Variants in KANSL3 observed in about 807,000 individuals in gnomAD.
KANSL3 encodes the protein NSL complex protein NSL3.
In KANSL3, 16 loss-of-function variants were observed where a neutral mutation model predicts 89.2. The observed-to-expected ratio is 0.18, with a 90% CI of 0.12 to 0.27. KANSL3 has a LOEUF of 0.27. Among genes scored for constraint, KANSL3 ranks in the 10% least tolerant of loss-of-function variants. KANSL3 has a pLI of 1.00. For synonymous variants in KANSL3, 385 were observed against 419.7 expected, an observed-to-expected ratio of 0.92 and a Z score of 1.01; for missense variants, 879 against 1,110.6, an observed-to-expected ratio of 0.79 and a Z score of 2.96.
In KANSL3 at chr2:96,602,774, G is replaced by A; in HGVS notation, c.2238C>T (p.Pro746=). 6.2e-7 allele frequency: 1 copy of A among 1,605,166 alleles called. No individual in the cohort carries two copies. Among genetic ancestry groups the A allele is most frequent in the Non-Finnish European group, 8.5e-7 (1 of 1,175,370 alleles). The change falls in exon 18 of 21, where the codon CCC becomes CCT. Residue 746 remains proline, a synonymous_variant. Coordinates refer to ENST00000431828, the MANE Select transcript of KANSL3 (RefSeq NM_001115016.3). ...GCACCTGTGGGGCTGGTCCTGGGGAGGGATTTGCTGGAAGGCCAGAGGTCT... is the reference window on the plus strand; with the variant it reads ...GCACCTGTGGGGCTGGTCCTGGGGAAGGATTTGCTGGAAGGCCAGAGGTCT... ...SSKTSGLPAN[P]SPGPAPQATS... is the part of the protein sequence containing the mutation.
downstream of KANSL3, among the ~76,000 whole-genome samples, chr2:96,590,355 C>T (rs1251796170): frequency 2.0e-5 from 3 of 151,688 alleles, no homozygotes; most frequent in Non-Finnish European, 2.9e-5. Flanking sequence ...TACCATGGCA[C>T]GATCACAGCT....
In KANSL3 at chr2:96,608,959, C is replaced by T. The variant is rs779212848; in HGVS notation, c.1489G>A (p.Val497Met). 3.2e-6 allele frequency: 5 copies of T among 1,562,906 alleles called. No individual in the cohort carries two copies. Among genetic ancestry groups the T allele is most frequent in the Admixed American group, 1.9e-5 (1 of 51,988 alleles). The change falls in exon 13 of 21, where the codon GTG (valine) becomes ATG (methionine). Residue 497 changes from valine to methionine, a missense_variant. Coordinates refer to ENST00000431828, the MANE Select transcript of KANSL3 (RefSeq NM_001115016.3). The stretch of plus-strand genomic sequence containing the variant: ...TCAAAGGCCAAGTCTCTGCGGGCCA[C>T]ATCGCGGGGCTTCTTCTTCTTCTCA... Reference protein sequence around the residue: ...DAEKKKKPRDVARRDLAFEVP... With the variant: ...DAEKKKKPRDMARRDLAFEVP...
In KANSL3 at chr2:96,610,864, A is replaced by G. The variant is rs1260892270; in HGVS notation, c.1181T>C (p.Leu394Ser). 1 of 1,613,952 alleles carries G rather than the reference A, an allele frequency of 6.2e-7. No homozygotes were observed. Among genetic ancestry groups the G allele is most frequent in the Admixed American group, 1.7e-5 (1 of 60,026 alleles). The change falls in exon 11 of 21, where the codon TTG becomes TCG. Residue 394 changes from leucine to serine, a missense_variant. Transcript: ENST00000431828. ...AAAGAGGACTGGAGTCTTCATATCC[A>G]AGAGGGGATCATCTACATCCTAAAA... Reference protein sequence around the residue: ...GPRGDVDDPLLDMKTPVLFVI... With the variant: ...GPRGDVDDPLSDMKTPVLFVI...
chr2:96,596,983 T>C (rs1389284158), intron 20 of KANSL3, among the ~76,000 whole-genome samples: 1 of 152,210 alleles, frequency 6.6e-6, no homozygotes, highest in Non-Finnish European at 1.5e-5. Flanking sequence ...CAATAGTCCA[T>C]TCCCATGAAG....
chr2:96,602,951 TA>T, intron 17 of KANSL3, 89 bp from the exon 18 acceptor site: 2 of 1,215,920 alleles, frequency 1.6e-6, no homozygotes, highest in Non-Finnish European at 1.2e-6. Context: ...CACCACCAAC[TA>T]AAACACCAGT....
chr2:96,634,511 CAAA>C (rs775089756), intron 2 of KANSL3, among the ~76,000 whole-genome samples: 7 of 114,978 alleles, frequency 6.1e-5, no homozygotes, highest in Non-Finnish European at 1.8e-5. Flanking sequence ...GACTCCGTCT[CAAA>C]AAAAAAAAAA....
At chr2:96,635,061 AC>A (rs1422336500) in intron 2 of KANSL3, among the ~76,000 whole-genome samples, 11 of 152,330 alleles carry the variant, frequency 7.2e-5, no homozygotes, top group African/African-American at 2.4e-4. Flanking sequence ...CCTGCCCTAT[AC>A]AAGATATCAC....
At chr2:96,636,474 T>G (rs1439090357) in intron 2 of KANSL3, among the ~76,000 whole-genome samples, 2 of 152,218 alleles carry the variant, frequency 1.3e-5, no homozygotes, top group Non-Finnish European at 2.9e-5. Flanking sequence ...AATTGGCTCC[T>G]AACCTTCGTG....
chr2:96,621,601 G>A (rs1465696891), intron 3 of KANSL3, among the ~76,000 whole-genome samples: 1 of 150,546 alleles, frequency 6.6e-6, no homozygotes, highest in African/African-American at 2.4e-5. Flanking sequence ...GGCAGGAGGA[G>A]TCCAGAAGTT....
intron 2 of KANSL3, among the ~76,000 whole-genome samples, chr2:96,636,278 A>C (rs989557667): frequency 1.3e-5 from 2 of 152,252 alleles, no homozygotes; most frequent in African/African-American, 4.8e-5. Context: ...TTAAAGTGCA[A>C]AAGAACTGGC....
rs777386299 is a variant in KANSL3, at chr2:96,595,623, A to T, written c.2625T>A (p.Pro875=). The part of the protein sequence containing the change: ...QVLPSSSQRL[P]PAP ...TCACACAGCATCTTCAGGGTGCTGG[A>T]GGCAGGCGCTGTGGCAGGAGAGGTA... Residue 875 remains proline, a synonymous_variant, in exon 21 of 21, where the codon CCT becomes CCA. Transcript: ENST00000431828. 1 of 1,613,820 alleles carries T rather than the reference A, an allele frequency of 6.2e-7. No individual in the cohort carries two copies. The highest frequency in any genetic ancestry group is 1.1e-5 in the South Asian group (1 of 91,016).
At chr2:96,584,598 T>C in the KANSL3 span, among the ~76,000 whole-genome samples, 2 of 152,202 alleles carry the variant, frequency 1.3e-5, no homozygotes, top group African/African-American at 4.8e-5. Context: ...GATCAGCTTT[T>C]TTAGCTCCTA....
chr2:96,627,188 G>C (rs995643460), intron 3 of KANSL3, among the ~76,000 whole-genome samples: 2 of 151,470 alleles, frequency 1.3e-5, no homozygotes, highest in Non-Finnish European at 2.9e-5. Context: ...AAGAAAGCCA[G>C]AGTCAGGGGC....
chr2:96,583,984 T>G, the KANSL3 span, among the ~76,000 whole-genome samples: 5 of 152,250 alleles, frequency 3.3e-5, no homozygotes, highest in Non-Finnish European at 7.3e-5. Context: ...AACTCTTTCA[T>G]GTGCACATTG....
chr2:96,594,884 C>T lies in KANSL3; in HGVS notation c.*727G>A, dbSNP rs1017715605. 6.6e-6 allele frequency: 1 copy of T among 152,272 alleles called. No individual in the cohort carries two copies. The highest frequency in any genetic ancestry group is 1.5e-5 in the Non-Finnish European group (1 of 68,078). The allele number at this position is 152,272 out of a possible 1,614,324, so 9.4% of individuals were successfully genotyped here. A position where few individuals can be genotyped will look rare whatever the true frequency, so the allele number is the denominator to read the frequency against. On this transcript the variant is annotated 3_prime_UTR_variant, in exon 21 of 21. Coordinates refer to ENST00000431828, the MANE Select transcript of KANSL3 (RefSeq NM_001115016.3). Reference sequence around the variant, plus strand: ...ACTGCCCAAAGCATGGTGAAAAAGACAAAGGGCCCAGGTTTCACCTGGCAA... The same window carrying T: ...ACTGCCCAAAGCATGGTGAAAAAGATAAAGGGCCCAGGTTTCACCTGGCAA...
intron 18 of KANSL3, 59 bp downstream of exon 18, chr2:96,602,694 C>G: frequency 7.1e-7 from 1 of 1,407,800 alleles, no homozygotes; most frequent in Non-Finnish European, 9.6e-7. Flanking sequence ...CCAAAACCAA[C>G]TAAGCTGAGG....
Position 96,602,313 on chromosome 2 carries a change from G to A in KANSL3, c.2285C>T (p.Pro762Leu). The stretch of plus-strand genomic sequence containing the variant: ...GGTGATGGCACCCAGGCTCTGCATG[G>A]GGGTGGGCAACTTCACACTGGTGGC... ...PQATSVKLPT[P>L]MQSLGAITTG... Residue 762 changes from proline to leucine, a missense_variant, in exon 19 of 21, where the codon CCC (proline) becomes CTC (leucine). Pro to Leu is a moderately conservative substitution (Grantham distance 98). This residue lies in a region of KANSL3 where 89 missense variants were observed against 139.7 expected (regional missense o/e 0.64). Coordinates refer to ENST00000431828, the MANE Select transcript of KANSL3 (RefSeq NM_001115016.3). 4 of 1,610,704 alleles carry A rather than the reference G, an allele frequency of 2.5e-6. No individual in the cohort carries two copies. The highest frequency in any genetic ancestry group is 2.5e-6 in the Non-Finnish European group (3 of 1,178,758).
downstream of KANSL3, among the ~76,000 whole-genome samples, chr2:96,591,183 T>C (rs549320563): frequency 2.0e-4 from 30 of 152,362 alleles, no homozygotes; most frequent in Admixed American, 9.8e-4. Context: ...ACTACTCATA[T>C]ACACGTAACA....
chr2:96,585,961 T>G, the KANSL3 span, among the ~76,000 whole-genome samples: 2 of 152,096 alleles, frequency 1.3e-5, no homozygotes, highest in African/African-American at 2.4e-5. Flanking sequence ...GCGCGGTGGC[T>G]CATGCCTGTA....
Sources: allele counts gnomAD v4.1 joint callset (sites outside exome capture counted in the v4.1 genomes callset), GRCh38; gene constraint gnomAD v4.1.1; regional missense constraint gnomAD v4.1.1; transcripts MANE v1.5; gene names NCBI Gene and HGNC (gene_info 2026-07-23, HGNC 2026-07-21).